Variants in ROBO2 observed in about 807,000 individuals in gnomAD.
ROBO2 encodes roundabout homolog 2.
ROBO2 carries 53 observed loss-of-function variants against 160.8 expected under a neutral mutation model. That is an observed-to-expected ratio of 0.33 (90% confidence interval 0.26 to 0.41). The LOEUF is 0.41. Among genes scored for constraint, ROBO2 ranks in the 10% least tolerant of loss-of-function variants. The probability of loss-of-function intolerance (pLI) is 1.00; values close to 1 mark genes in which losing one functional copy is unlikely to be tolerated. For synonymous variants in ROBO2, 664 were observed against 611.7 expected (o/e 1.09, Z -1.26); for missense variants, 1,577 against 1,722.4 (o/e 0.92, Z 1.49).
chr3:76,348,087 C>T (rs2074639520), intron 2 of ROBO2, among the ~76,000 whole-genome samples: 1 of 142,732 alleles, frequency 7.0e-6, no homozygotes, highest in Admixed American at 6.7e-5. Flanking sequence ...CAGTCAGTAT[C>T]AGTCTTCAGC....
intron 2 of ROBO2, among the ~76,000 whole-genome samples, chr3:77,361,249 G>T (rs574360274): frequency 6.6e-6 from 1 of 152,014 alleles, no homozygotes; most frequent in African/African-American, 2.4e-5. Context: ...AGAGCAAATC[G>T]TTTTGTTTTG....
chr3:77,280,612 C>A (rs1370044616), intron 2 of ROBO2, among the ~76,000 whole-genome samples: 3 of 152,116 alleles, frequency 2.0e-5, no homozygotes, highest in African/African-American at 7.2e-5. Context: ...ACTAGTTTGT[C>A]CATAACACGA....
At chr3:77,610,333 ACTTATTAGAGAC>A (rs2094603830) in intron 21 of ROBO2, among the ~76,000 whole-genome samples, 1 of 151,982 alleles carries the variant, frequency 6.6e-6, no homozygotes, top group Admixed American at 6.6e-5. Context: ...TGCTCTCCAT[ACTTATTAGAGAC>A]CAGACACTAA....
chr3:77,431,865 CA>C (rs1178498313), intron 2 of ROBO2, among the ~76,000 whole-genome samples: 1 of 152,122 alleles, frequency 6.6e-6, no homozygotes, highest in African/African-American at 2.4e-5. Context: ...AAGAAAGATT[CA>C]ATAACGTAAG....
intron 2 of ROBO2, among the ~76,000 whole-genome samples, chr3:76,082,672 A>G (rs2068873107): frequency 6.6e-6 from 1 of 152,204 alleles, no homozygotes; most frequent in South Asian, 2.1e-4. Flanking sequence ...CACCTTCTTT[A>G]AATAACAGTC....
chr3:77,395,699 A>G (rs2075212406), intron 2 of ROBO2, among the ~76,000 whole-genome samples: 1 of 152,144 alleles, frequency 6.6e-6, no homozygotes, highest in Admixed American at 6.6e-5. Flanking sequence ...TTCTTCTTTT[A>G]TGAGAGTTTA....
intron 2 of ROBO2, among the ~76,000 whole-genome samples, chr3:75,966,083 G>A (rs1949099325): frequency 6.6e-6 from 1 of 151,578 alleles, no homozygotes; most frequent in Admixed American, 6.6e-5. Flanking sequence ...ATCTTAACTT[G>A]ACTATTATAC....
At chr3:76,082,977 A>T (rs2068883363) in intron 2 of ROBO2, among the ~76,000 whole-genome samples, 1 of 152,072 alleles carries the variant, frequency 6.6e-6, no homozygotes, top group Admixed American at 6.6e-5. Flanking sequence ...AATCAACCAA[A>T]CGTGTTTGGT....
At chr3:76,662,382 A>G (rs2091861623) in intron 2 of ROBO2, among the ~76,000 whole-genome samples, 1 of 152,156 alleles carries the variant, frequency 6.6e-6, no homozygotes, top group South Asian at 2.1e-4. Flanking sequence ...TTTATGGGGT[A>G]CATATGATAT....
At chr3:77,139,524 A>G (rs1372645271) in intron 2 of ROBO2, among the ~76,000 whole-genome samples, 2 of 152,186 alleles carry the variant, frequency 1.3e-5, no homozygotes, top group African/African-American at 2.4e-5. Context: ...TTTACTGCCT[A>G]AAGTTTCTTT....
chr3:76,240,564 ATAATC>A (rs1223497526), intron 2 of ROBO2, among the ~76,000 whole-genome samples: 1 of 152,230 alleles, frequency 6.6e-6, no homozygotes, highest in African/African-American at 2.4e-5. Flanking sequence ...GACATCTAGA[ATAATC>A]TAAGTGCTAT....
rs148339996 is a variant in ROBO2, at chr3:75,927,288, T to A, written c.-13-10193T>A. 1.4e-3 allele frequency among the ~76,000 whole-genome samples: 209 copies of A among 152,340 alleles called. 1 individual carries two copies. Among genetic ancestry groups the A allele is most frequent in the African/African-American group, 4.8e-3 (201 of 41,576 alleles). ...AATCCAATTTTTAAATTTCTCTGCA[T>A]TCTTGAAGTTAGGAATAAAAGCTGG... On this transcript the variant is annotated intron_variant, in intron 1 of 26. Coordinates refer to the ROBO2 transcript ENST00000487694.
chr3:77,374,047 G>C (rs965639253), intron 2 of ROBO2, among the ~76,000 whole-genome samples: 4 of 151,256 alleles, frequency 2.6e-5, no homozygotes, highest in Non-Finnish European at 5.9e-5. Context: ...GCGGGTGCCT[G>C]TAATCCCAGC....
intron 2 of ROBO2, among the ~76,000 whole-genome samples, chr3:76,851,607 C>T (rs1219675621): frequency 2.7e-5 from 4 of 149,782 alleles, no homozygotes; most frequent in South Asian, 2.1e-4. Flanking sequence ...CGGTGGCGGG[C>T]GCCTGTAGTC....
chr3:76,048,759 C>G (rs2067540724), intron 2 of ROBO2, among the ~76,000 whole-genome samples: 1 of 152,176 alleles, frequency 6.6e-6, no homozygotes, highest in Admixed American at 6.5e-5. Flanking sequence ...TCCATGGCAG[C>G]TGTGTCTACG....
Position 76,560,941 on chromosome 3 carries a change from T to G in ROBO2, c.110-537073T>G, listed in dbSNP as rs1294688326. On this transcript the variant is annotated intron_variant, in intron 2 of 26. Transcript: ENST00000487694. ...TTATATATAAGAAGTAAGATATATA[T>G]ATATATATATATATATATATATATA... Among the ~76,000 whole-genome samples the G allele has an allele frequency of 2.9e-3, 19 of 6,616 alleles. 1 individual carries two copies. Among genetic ancestry groups the G allele is most frequent in the African/African-American group, 5.0e-3 (17 of 3,402 alleles). The allele number at this position is 6,616 out of a possible 152,430, so 4.3% of individuals were successfully genotyped here.
At chr3:77,553,537 G>A (rs2092999236) in intron 8 of ROBO2, among the ~76,000 whole-genome samples, 1 of 151,942 alleles carries the variant, frequency 6.6e-6, no homozygotes, top group African/African-American at 2.4e-5. Context: ...TGGGCCTCTT[G>A]TTCTAAACAG....
Position 76,109,829 on chromosome 3 carries a change from A to G in ROBO2, c.109+172227A>G, listed in dbSNP as rs975536585. On this transcript the variant is annotated intron_variant, in intron 2 of 26. Transcript: ENST00000487694. ...TCCCTCATCCCTCTCCCACCCTTCA[A>G]TTTTTTGAACTCTACAATGTCTATT... 1.1e-4 allele frequency among the ~76,000 whole-genome samples: 17 copies of G among 151,690 alleles called. 1 individual carries two copies. The highest frequency in any genetic ancestry group is 7.2e-4 in the Admixed American group (11 of 15,184).
At chr3:77,267,529 T>G (rs1318607289) in intron 2 of ROBO2, among the ~76,000 whole-genome samples, 1 of 152,158 alleles carries the variant, frequency 6.6e-6, no homozygotes, top group African/African-American at 2.4e-5. Flanking sequence ...TTTGAAAGAA[T>G]AAGGGTGCTT....
Sources: gnomAD v4.1 joint callset for allele counts (sites outside exome capture counted in the v4.1 genomes callset) on GRCh38, gnomAD v4.1.1 for gene constraint, MANE v1.5 for transcripts, NCBI Gene and HGNC (gene_info 2026-07-23, HGNC 2026-07-21) for gene names.